AHNAK: variants seen among roughly 807,000 people sequenced by gnomAD.
AHNAK encodes neuroblast differentiation-associated protein AHNAK.
Under a neutral mutation model 37.8 loss-of-function variants are expected in AHNAK, and 23 were observed. That is an observed-to-expected ratio of 0.61 (90% confidence interval 0.44 to 0.86). The LOEUF is 0.86. Ranked by LOEUF, AHNAK falls within the 40% of genes least tolerant of loss-of-function variation. AHNAK has a pLI of 0.00. For missense variants in AHNAK, 7,411 were observed against 7,319.4 expected, an observed-to-expected ratio of 1.01 and a Z score of -0.46; for synonymous variants, 2,481 against 2,636.3, an observed-to-expected ratio of 0.94 and a Z score of 1.80.
Position 62,517,422 on chromosome 11 carries a change from T to C in AHNAK, c.16995A>G (p.Lys5665=), listed in dbSNP as rs1356583753. 3.1e-6 allele frequency: 5 copies of C among 1,614,030 alleles called. No individual in the cohort carries two copies. In the East Asian group the frequency reaches 1.1e-4, roughly 36 times the overall value. Reference sequence around the variant, plus strand: ...CCAGCTCACGGCCAGAGAAGGTAAATTTGGGGATCTTCATTTTAGGGAATG... The same window carrying C: ...CCAGCTCACGGCCAGAGAAGGTAAACTTGGGGATCTTCATTTTAGGGAATG... ...KVTFPKMKIP[K]FTFSGRELVG... Residue 5665 remains lysine, a synonymous_variant, in exon 5 of 5, where the codon AAA becomes AAG. Coordinates refer to ENST00000378024, the MANE Select transcript of AHNAK (RefSeq NM_001620.3).
chr11:62,545,981 C>G (rs1941296380), intron 1 of AHNAK: 1 of 152,332 alleles, frequency 6.6e-6, no homozygotes, highest in African/African-American at 2.4e-5. Flanking sequence ...TTTTGTCCCC[C>G]TCCCCACCCA....
At chr11:62,538,205 G>GC (rs112716967) in intron 1 of AHNAK, among the ~76,000 whole-genome samples, 8 of 152,220 alleles carry the variant, frequency 5.3e-5, no homozygotes, top group African/African-American at 1.7e-4. Flanking sequence ...AACAAAGGAG[G>GC]CCCCGGCCCC....
Position 62,534,930 on chromosome 11 carries a change from G to T in AHNAK, c.342+73C>A, listed in dbSNP as rs953633347. 8 of 1,506,052 alleles carry T rather than the reference G, an allele frequency of 5.3e-6. No individual in the cohort carries two copies. The African/African-American group carries it at 1.1e-4, about 21-fold the overall frequency. 93.3% of individuals were successfully genotyped at this position (1,506,052 alleles called of 1,614,324 possible). On this transcript the variant is annotated intron_variant, in intron 4 of 4. Transcript: ENST00000378024. The stretch of plus-strand genomic sequence containing the variant: ...GAGAGGGTCCGGAGGCACATGGAAG[G>T]CTCAGGAGTGGGGTCAGCAGGCCGG...
Position 62,519,006 on chromosome 11 carries a change from C to T in AHNAK, c.15411G>A (p.Lys5137=). 1 of 1,614,088 alleles carries T rather than the reference C, an allele frequency of 6.2e-7. No homozygotes were observed. The highest frequency in any genetic ancestry group is 2.2e-5 in the East Asian group (1 of 44,876). Residue 5137 remains lysine, a synonymous_variant, in exon 5 of 5, where the codon AAG becomes AAA. Coordinates refer to ENST00000378024, the MANE Select transcript of AHNAK (RefSeq NM_001620.3). ...GCATCTTGACCTTGGGAGCCTTCGC[C>T]TTGATGTCAAGACCTTCGACGTGAA... is the stretch of plus-strand genomic sequence containing the variant. The part of the protein sequence containing the change: ...PAIHVEGLDI[K]AKAPKVKMPD...
In AHNAK at chr11:62,516,442, C is replaced by T; in HGVS notation, c.*302G>A. 1 of 1,270,290 alleles carries T rather than the reference C, an allele frequency of 7.9e-7. No homozygotes were observed. Among genetic ancestry groups the T allele is most frequent in the Non-Finnish European group, 1.0e-6 (1 of 996,016 alleles). 78.7% of individuals were successfully genotyped at this position (1,270,290 alleles called of 1,614,324 possible). A position where few individuals can be genotyped will look rare whatever the true frequency, so the allele number is the denominator to read the frequency against. ...AAAATGAGGATAATAAACACAAAAG[C>T]TTGCTTAGTAAACAGGAGCTCTCAG... On this transcript the variant is annotated 3_prime_UTR_variant, in exon 5 of 5. Coordinates refer to ENST00000378024, the MANE Select transcript of AHNAK (RefSeq NM_001620.3).
chr11:62,517,011 T>TTC lies in AHNAK; in HGVS notation c.17404_17405dup (p.Gly5803LysfsTer19). ...CACCTTCCAGAGACACTTCCCCACC[T>TTC]TCAAACTCCAGCGTCCCCGTCGGGG... is the stretch of plus-strand genomic sequence containing the variant. On this transcript the variant is annotated frameshift_variant, in exon 5 of 5. Transcript: ENST00000378024. LOFTEE classifies it high-confidence loss of function. The TTC allele has an allele frequency of 6.2e-7, 1 of 1,614,200 alleles. No individual in the cohort carries two copies. The highest frequency in any genetic ancestry group is 8.5e-7 in the Non-Finnish European group (1 of 1,180,030).
intron 5 of AHNAK, among the ~76,000 whole-genome samples, chr11:62,484,765 G>GGTTTT (rs1216720788): frequency 7.9e-5 from 12 of 152,044 alleles, no homozygotes; most frequent in African/African-American, 2.7e-4. Context: ...ACTTGACTTA[G>GGTTTT]GTTTTGTTTT....
intron 1 of AHNAK, among the ~76,000 whole-genome samples, chr11:62,538,673 A>G (rs530325288): frequency 6.6e-6 from 1 of 152,370 alleles, no homozygotes; most frequent in African/African-American, 2.4e-5. Flanking sequence ...ACGCTGCGTT[A>G]GACGGTGACC....
At chr11:62,435,414 C>CT (rs34365844) in intron 5 of AHNAK, among the ~76,000 whole-genome samples, 4 of 150,312 alleles carry the variant, frequency 2.7e-5, no homozygotes, top group African/African-American at 4.9e-5. Context: ...ATTTATTTAT[C>CT]TTTTTTTTTT....
intron 5 of AHNAK, among the ~76,000 whole-genome samples, chr11:62,472,445 C>T (rs572516810): frequency 6.6e-6 from 1 of 152,222 alleles, no homozygotes; most frequent in South Asian, 2.1e-4. Flanking sequence ...TGTCAACACC[C>T]CAGCCCTCAG....
chr11:62,480,408 T>A (rs548912250), intron 5 of AHNAK, among the ~76,000 whole-genome samples: 1 of 152,146 alleles, frequency 6.6e-6, no homozygotes, highest in South Asian at 2.1e-4. Flanking sequence ...ACGCCTGTAA[T>A]CCCAGCACTT....
intron 5 of AHNAK, among the ~76,000 whole-genome samples, chr11:62,442,379 C>T (rs550744321): frequency 1.1e-4 from 16 of 152,160 alleles, no homozygotes; most frequent in African/African-American, 3.4e-4. Context: ...AAAATCCTAT[C>T]TCTATGAAAA....
In AHNAK at chr11:62,520,442, T is replaced by C; in HGVS notation, c.13975A>G (p.Lys4659Glu). The change falls in exon 5 of 5, where the codon AAG (lysine) becomes GAG (glutamate). Residue 4659 changes from lysine (K) to glutamate (E), a missense_variant. By Grantham distance (56) the Lys-to-Glu change is moderately conservative. Coordinates refer to ENST00000378024, the MANE Select transcript of AHNAK (RefSeq NM_001620.3). Reference protein sequence around the residue: ...HLKMPKVKMPKFSMPGFKGEG... With the variant: ...HLKMPKVKMPEFSMPGFKGEG... ...CCTTTGAAGCCAGGCATGCTGAACT[T>C]GGGCATTTTCACTTTGGGCATTTTT... The C allele has an allele frequency of 6.2e-7, 1 of 1,614,096 alleles. No individual in the cohort carries two copies. The highest frequency in any genetic ancestry group is 1.1e-5 in the South Asian group (1 of 91,076).
chr11:62,524,338 G>A lies in AHNAK; in HGVS notation c.10079C>T (p.Ser3360Leu), dbSNP rs1246260283. ...TTCAGGTGTCTGAACTTTAGAGCCC[G>A]AAAAATTAAATTTGGGAAGCTTAAA... is the stretch of plus-strand genomic sequence containing the variant. Reference protein sequence around the residue: ...SRFKLPKFNFSGSKVQTPEVD... With the variant: ...SRFKLPKFNFLGSKVQTPEVD... The change falls in exon 5 of 5, where the codon TCG becomes TTG. Residue 3360 changes from serine (S) to leucine (L), a missense_variant. Coordinates refer to ENST00000378024, the MANE Select transcript of AHNAK (RefSeq NM_001620.3). 3.7e-6 allele frequency: 6 copies of A among 1,613,474 alleles called. No homozygotes were observed. Among genetic ancestry groups the A allele is most frequent in the East Asian group, 2.2e-5 (1 of 44,876 alleles).
Position 62,522,418 on chromosome 11 carries a change from T to C in AHNAK, c.11999A>G (p.Lys4000Arg), listed in dbSNP as rs778541331. ...KMPEMNIKAP[K>R]ISMPDFDLHL... ...CAAATCAAAGTCAGGCATGGAGATC[T>C]TGGGGGCTTTGATGTTCATCTCTGG... The change falls in exon 5 of 5, where the codon AAG (lysine) becomes AGG (arginine). Residue 4000 changes from lysine (K) to arginine (R), a missense_variant. Lys to Arg is a conservative substitution (Grantham distance 26). Coordinates refer to ENST00000378024, the MANE Select transcript of AHNAK (RefSeq NM_001620.3). The C allele has an allele frequency of 2.5e-6, 4 of 1,614,052 alleles. No individual in the cohort carries two copies. Among genetic ancestry groups the C allele is most frequent in the East Asian group, 2.2e-5 (1 of 44,894 alleles).
At chr11:62,536,723 C>T (rs540719264) in intron 1 of AHNAK, among the ~76,000 whole-genome samples, 156 bp from the exon 2 acceptor site, 1 of 152,166 alleles carries the variant, frequency 6.6e-6, no homozygotes, top group Non-Finnish European at 1.5e-5. Flanking sequence ...GACTCTCCAG[C>T]CCGGCATAGC....
intron 5 of AHNAK, among the ~76,000 whole-genome samples, chr11:62,468,607 A>T (rs1938966594): frequency 6.6e-6 from 1 of 152,086 alleles, no homozygotes; most frequent in Admixed American, 6.6e-5. Context: ...AGAAATCAGG[A>T]GAAAGAGGGA....
chr11:62,462,016 G>T (rs1938800509), intron 5 of AHNAK, among the ~76,000 whole-genome samples: 1 of 152,068 alleles, frequency 6.6e-6, no homozygotes, highest in South Asian at 2.1e-4. Context: ...TTATGAGATG[G>T]GCATTTAAAC....
chr11:62,504,136 A>G (rs1339636316), intron 4 of AHNAK, among the ~76,000 whole-genome samples: 6 of 152,022 alleles, frequency 3.9e-5, no homozygotes, highest in African/African-American at 1.4e-4. Flanking sequence ...ACTCCAACCT[A>G]GGCAACAGAA....
Sources: allele counts gnomAD v4.1 joint callset (sites outside exome capture counted in the v4.1 genomes callset), GRCh38; gene constraint gnomAD v4.1.1; transcripts MANE v1.5; gene names NCBI Gene and HGNC (gene_info 2026-07-23, HGNC 2026-07-21).